Variants in C1orf167 observed in about 807,000 individuals in gnomAD.
C1orf167 encodes chromosome 1 open reading frame 167.
C1orf167 carries 153 observed loss-of-function variants against 176.5 expected under a neutral mutation model. The ratio of observed to expected loss-of-function variants is 0.87; its 90% CI spans 0.76 to 0.99. C1orf167 has a LOEUF of 0.99. C1orf167 is among the 50% of genes least tolerant of loss of function. The probability of loss-of-function intolerance (pLI) is 0.00; values close to 1 mark genes in which losing one functional copy is unlikely to be tolerated. For missense variants in C1orf167, 1,490 were observed against 1,817.7 expected (o/e 0.82, Z 3.28); for synonymous variants, 594 against 752.7 (o/e 0.79, Z 3.45).
rs770515512 is a variant in C1orf167 at position 11,772,274 on chromosome 1, C to T, written c.1988+15C>T. Reference sequence around the variant, plus strand: ...TGGCTGTGCAGGTAGGATGCCCTTCCCTTTTTTTTGAGATGAGGTCTCACT... The same window carrying T: ...TGGCTGTGCAGGTAGGATGCCCTTCTCTTTTTTTTGAGATGAGGTCTCACT... On this transcript the variant is annotated intron_variant, in intron 8 of 20. Coordinates refer to ENST00000688073, the MANE Select transcript of C1orf167 (RefSeq NM_001010881.2). The T allele has an allele frequency of 2.3e-6, 3 of 1,296,652 alleles. No homozygotes were observed. The South Asian group carries it at 3.7e-5, about 16-fold the overall frequency. 80.3% of individuals were successfully genotyped at this position (1,296,652 alleles called of 1,614,324 possible). A position where few individuals can be genotyped will look rare whatever the true frequency, so the allele number is the denominator to read the frequency against.
At position 11,789,378 on chromosome 1, in the gene C1orf167, C is replaced by T. The variant is rs976591820; in HGVS notation, c.4282C>T (p.Gln1428Ter). 7.7e-7 allele frequency: 1 copy of T among 1,303,654 alleles called. No individual in the cohort carries two copies. The highest frequency in any genetic ancestry group is 1.0e-6 in the Non-Finnish European group (1 of 988,848). 80.8% of individuals were successfully genotyped at this position (1,303,654 alleles called of 1,614,324 possible). A position where few individuals can be genotyped will look rare whatever the true frequency, so the allele number is the denominator to read the frequency against. ...KPGPKGPESG[Q>*]EAARAPRGWG... ...AGGCCCCAAGGGCCCCGAGAGTGGA[C>T]AGGAAGCCGCCAGAGCACCGCGGGG... The change falls in exon 21 of 21, where the codon CAG (glutamine) becomes TAG (stop). Residue 1428 changes from glutamine to a stop codon, truncating the protein, a stop_gained. Coordinates refer to ENST00000688073, the MANE Select transcript of C1orf167 (RefSeq NM_001010881.2). LOFTEE classifies it low-confidence loss of function (END_TRUNC).
Position 11,766,995 on chromosome 1 carries a change from G to C in C1orf167, c.1209G>C (p.Glu403Asp). Residue 403 changes from glutamate (E) to aspartate (D), a missense_variant, in exon 3 of 21, where the codon GAG becomes GAC. Coordinates refer to ENST00000688073, the MANE Select transcript of C1orf167 (RefSeq NM_001010881.2). This position sits in a 1 kb window ranked among gnomAD's most constrained non-coding sequence, Gnocchi z 4.5. ...GAGTCTCACCCAAGCAGAAAGGAGA[G>C]GAGGGGGCCCCGAGGGAGCGGGTCC... ...AWGVSPKQKG[E>D]EGAPRERVHR... 1.2e-5 allele frequency: 14 copies of C among 1,209,350 alleles called. No individual in the cohort carries two copies. The highest frequency in any genetic ancestry group is 1.5e-5 in the Non-Finnish European group (14 of 950,424). 74.9% of individuals were successfully genotyped at this position (1,209,350 alleles called of 1,614,324 possible).
intron 8 of C1orf167, among the ~76,000 whole-genome samples, chr1:11,774,658 G>C (rs772053409): frequency 3.9e-5 from 6 of 152,160 alleles, no homozygotes; most frequent in Non-Finnish European, 8.8e-5. Flanking sequence ...GTTAGTACAG[G>C]GTAGGGGGGC....
intron 10 of C1orf167, chr1:11,777,434 T>A (rs1643371644): frequency 6.6e-6 from 1 of 152,584 alleles, no homozygotes; most frequent in Admixed American, 6.5e-5. Flanking sequence ...GTGGATCACC[T>A]GAGGTCAGGA....
At chr1:11,787,266 G>T (rs1643899697) in intron 16 of C1orf167, 122 bp from the exon 17 acceptor site, 4 of 377,066 alleles carry the variant, frequency 1.1e-5, no homozygotes, top group Non-Finnish European at 1.7e-5. Context: ...CAGCCACATG[G>T]GGGAATGGGT....
At chr1:11,767,977 C>A in intron 4 of C1orf167, 100 bp from the exon 5 acceptor site, 3 of 940,098 alleles carry the variant, frequency 3.2e-6, no homozygotes, top group Non-Finnish European at 4.2e-6. Context: ...CATCACCCTA[C>A]TGATTGCTGG....
In C1orf167 at chr1:11,766,423, G is replaced by T. The variant is rs1266664702; in HGVS notation, c.637G>T (p.Gly213Trp). Residue 213 changes from glycine (G) to tryptophan (W), a missense_variant, in exon 3 of 21, where the codon GGG becomes TGG. Coordinates refer to ENST00000688073, the MANE Select transcript of C1orf167 (RefSeq NM_001010881.2). This position sits in a 1 kb window ranked among gnomAD's most constrained non-coding sequence, Gnocchi z 4.5. ...GGGGAGCTGGAGGTCCAGGCTGGTG[G>T]GGGAACCTCTCACCCTGGAGGACCT... ...GLGSWRSRLVGEPLTLEDLAV... is the reference protein window; with the variant it reads ...GLGSWRSRLVWEPLTLEDLAV... The T allele has an allele frequency of 7.8e-7, 1 of 1,282,832 alleles. No individual in the cohort carries two copies. Among genetic ancestry groups the T allele is most frequent in the Admixed American group, 2.3e-5 (1 of 42,554 alleles). 79.5% of individuals were successfully genotyped at this position (1,282,832 alleles called of 1,614,324 possible).
Position 11,764,412 on chromosome 1 carries a change from G to A in C1orf167, c.12G>A (p.Arg4=). 2 of 1,289,404 alleles carry A rather than the reference G, an allele frequency of 1.6e-6. No individual in the cohort carries two copies. Among genetic ancestry groups the A allele is most frequent in the Non-Finnish European group, 1.0e-6 (1 of 988,852 alleles). The allele number at this position is 1,289,404 out of a possible 1,614,324, so 79.9% of individuals were successfully genotyped here. Residue 4 remains arginine, a synonymous_variant, in exon 2 of 21, where the codon AGG becomes AGA. Coordinates refer to ENST00000688073, the MANE Select transcript of C1orf167 (RefSeq NM_001010881.2). Reference sequence around the variant, plus strand: ...CTGTCCCTGAGCCCATGGAGCTAAGGTCTGATGCCAGCCACAAGGAGAATG... The same window carrying A: ...CTGTCCCTGAGCCCATGGAGCTAAGATCTGATGCCAGCCACAAGGAGAATG... MEL[R]SDASHKENVS... is the part of the protein sequence containing the mutation.
Position 11,767,016 on chromosome 1 carries a change from G to T in C1orf167, c.1230G>T (p.Arg410=). 2 of 1,214,660 alleles carry T rather than the reference G, an allele frequency of 1.6e-6. No individual in the cohort carries two copies. Among genetic ancestry groups the T allele is most frequent in the East Asian group, 5.8e-5 (1 of 17,344 alleles). The allele number at this position is 1,214,660 out of a possible 1,614,324, so 75.2% of individuals were successfully genotyped here. ...GAGAGGAGGGGGCCCCGAGGGAGCG[G>T]GTCCACAGGGAGGAGGAGAGGACAG... The part of the protein sequence containing the change: ...QKGEEGAPRE[R]VHREEERTAF... The change falls in exon 3 of 21, where the codon CGG becomes CGT. Residue 410 remains arginine, a synonymous_variant. Coordinates refer to ENST00000688073, the MANE Select transcript of C1orf167 (RefSeq NM_001010881.2).
chr1:11,776,695 C>G (rs949643994), intron 10 of C1orf167, 57 bp downstream of exon 10: 1 of 1,169,484 alleles, frequency 8.6e-7, no homozygotes, highest in South Asian at 1.6e-5. Context: ...GGGGTGGGCA[C>G]GTGAGCAGTG....
Position 11,767,080 on chromosome 1 carries a change from T to G in C1orf167, c.1294T>G (p.Ser432Ala). ...LSDTVPASSA[S>A]KNKAQNITAP... ...AGACACAGTCCCAGCGAGCAGTGCG[T>G]CGAAGGTAGAGGCCCGGGGAGGCTG... Residue 432 changes from serine to alanine, a missense_variant, in exon 3 of 21, where the codon TCG becomes GCG. Transcript: ENST00000688073. 1.6e-6 allele frequency: 2 copies of G among 1,242,438 alleles called. No individual in the cohort carries two copies. The highest frequency in any genetic ancestry group is 2.8e-5 in the South Asian group (2 of 72,110). The allele number at this position is 1,242,438 out of a possible 1,614,324, so 77.0% of individuals were successfully genotyped here.
intron 16 of C1orf167, 53 bp downstream of exon 16, chr1:11,785,342 G>C (rs1196811576): frequency 4.1e-6 from 5 of 1,231,752 alleles, no homozygotes; most frequent in Non-Finnish European, 5.3e-6. Context: ...ATGGCCAGCA[G>C]GGGGAGCCTG....
chr1:11,764,254 C>T (rs555054299), intron 1 of C1orf167, 77 bp from the exon 2 acceptor site: 281 of 537,202 alleles, frequency 5.2e-4, no homozygotes, highest in Non-Finnish European at 8.5e-4. Flanking sequence ...GCTAGGAGTA[C>T]TGCTAAAGGG....
intron 6 of C1orf167, 65 bp downstream of exon 6, chr1:11,769,192 A>G (rs1474561362): frequency 3.1e-6 from 3 of 962,168 alleles, no homozygotes; most frequent in African/African-American, 1.8e-5. Flanking sequence ...TGCCCCCACT[A>G]CTTCCTCATC....
chr1:11,771,196 G>A (rs983112012), intron 6 of C1orf167, among the ~76,000 whole-genome samples: 4 of 148,464 alleles, frequency 2.7e-5, no homozygotes, highest in Non-Finnish European at 5.9e-5. Flanking sequence ...TCGGATTACA[G>A]GTGTGAGCCA....
At chr1:11,786,423 G>A (rs1263125446) in intron 16 of C1orf167, 1 of 152,112 alleles carries the variant, frequency 6.6e-6, no homozygotes. Flanking sequence ...AAAAGCTAAG[G>A]TGATTTTTTT....
intron 4 of C1orf167, 92 bp downstream of exon 4, chr1:11,767,356 G>A (rs1393601422): frequency 9.1e-7 from 1 of 1,104,286 alleles, no homozygotes; most frequent in Non-Finnish European, 1.2e-6. Context: ...TGGAGATGAG[G>A]GCCTGATGGA....
chr1:11,763,216 A>C (rs10158409), intron 1 of C1orf167, among the ~76,000 whole-genome samples: 1 of 152,008 alleles, frequency 6.6e-6, no homozygotes, highest in South Asian at 2.1e-4. Flanking sequence ...GAGGCGGGCC[A>C]ATCACCTGAG....
At position 11,784,563 on chromosome 1, in the gene C1orf167, G is replaced by C; in HGVS notation, c.3395G>C (p.Arg1132Pro). 7.9e-7 allele frequency: 1 copy of C among 1,269,902 alleles called. No individual in the cohort carries two copies. Among genetic ancestry groups the C allele is most frequent in the Non-Finnish European group, 1.0e-6 (1 of 971,262 alleles). The allele number at this position is 1,269,902 out of a possible 1,614,324, so 78.7% of individuals were successfully genotyped here. A position where few individuals can be genotyped will look rare whatever the true frequency, so the allele number is the denominator to read the frequency against. Residue 1132 changes from arginine (R) to proline (P), a missense_variant, in exon 15 of 21, where the codon CGA (arginine) becomes CCA (proline). By Grantham distance (103) the Arg-to-Pro change is moderately radical (BLOSUM62 -2). Transcript: ENST00000688073. ...VHESCRGQVS[R>P]AHASWKPRAW... The stretch of plus-strand genomic sequence containing the variant: ...GAGTCCTGTCGGGGCCAGGTCAGCC[G>C]AGCCCATGCTTCCTGGAAGCCGCGA...
Sources: allele counts gnomAD v4.1 joint callset (sites outside exome capture counted in the v4.1 genomes callset), GRCh38; gene constraint gnomAD v4.1.1; non-coding constraint Gnocchi (gnomAD v3.1); transcripts MANE v1.5; gene names NCBI Gene and HGNC (gene_info 2026-07-23, HGNC 2026-07-21).